The following PTPRB variants were observed in gnomAD, a reference collection of about 807,000 sequenced individuals.
The protein encoded by PTPRB is receptor-type tyrosine-protein phosphatase beta.
In PTPRB, 97 loss-of-function variants were observed where a neutral mutation model predicts 238.1. That is an observed-to-expected ratio of 0.41 (90% CI 0.35 to 0.48). The LOEUF is 0.48. PTPRB is among the 20% of genes least tolerant of loss of function. PTPRB has a pLI of 0.30. For missense variants in PTPRB, 2,292 were observed against 2,681.9 expected, an observed-to-expected ratio of 0.85 and a Z score of 3.21; for synonymous variants, 970 against 995.4, an observed-to-expected ratio of 0.97 and a Z score of 0.48.
intron 2 of PTPRB, among the ~76,000 whole-genome samples, chr12:70,627,002 T>G (rs530416488): frequency 1.6e-4 from 24 of 152,082 alleles, no homozygotes; most frequent in Non-Finnish European, 2.9e-4. Flanking sequence ...AGACATAGCA[T>G]AGTAAAACAC....
Position 70,534,769 on chromosome 12 carries a change from G to A in PTPRB, c.6204+64C>T. The A allele has an allele frequency of 2.5e-6, 4 of 1,602,868 alleles. No individual in the cohort carries two copies. The South Asian group carries it at 3.3e-5, about 13-fold the overall frequency. On this transcript the variant is annotated intron_variant, in intron 30 of 33. Transcript: ENST00000334414. ...AACTACAAGAGAGGAACCAGCGAAA[G>A]TGGGGTTCACAGATCTCATTCATCT...
Position 70,521,395 on chromosome 12 carries a change from G to T in PTPRB, c.*94C>A. The stretch of plus-strand genomic sequence containing the variant: ...TAATAAATTATACATAGTATCAACA[G>T]AAATAGCTGGCACCTCTGTAGGGCA... On this transcript the variant is annotated 3_prime_UTR_variant, in exon 34 of 34. Transcript: ENST00000334414. 1 of 888,344 alleles carries T rather than the reference G, an allele frequency of 1.1e-6. No individual in the cohort carries two copies. The highest frequency in any genetic ancestry group is 2.4e-5 in the South Asian group (1 of 40,974). 55.0% of individuals were successfully genotyped at this position (888,344 alleles called of 1,614,324 possible).
At chr12:70,600,137 G>A (rs766367786) in intron 4 of PTPRB, among the ~76,000 whole-genome samples, 2 of 152,130 alleles carry the variant, frequency 1.3e-5, no homozygotes, top group Non-Finnish European at 2.9e-5. Context: ...AGAAGTGATT[G>A]TATTTGCTAT....
chr12:70,524,647 T>C, intron 32 of PTPRB, 56 bp from the exon 33 acceptor site: 1 of 1,510,500 alleles, frequency 6.6e-7, no homozygotes, highest in Non-Finnish European at 8.9e-7. Flanking sequence ...ATAAGAAAGA[T>C]GAGAAACTCA....
At chr12:70,594,915 C>T (rs1285667558) in intron 5 of PTPRB, among the ~76,000 whole-genome samples, 191 bp from the exon 6 acceptor site, 2 of 152,152 alleles carry the variant, frequency 1.3e-5, no homozygotes, top group Admixed American at 1.3e-4. Flanking sequence ...AAGTCTGCAG[C>T]CTCAAGTTAC....
intron 17 of PTPRB, 85 bp from the exon 18 acceptor site, chr12:70,559,709 C>T (rs926758399): frequency 9.4e-6 from 12 of 1,271,052 alleles, no homozygotes; most frequent in Non-Finnish European, 1.3e-5. Context: ...ACATCAGACA[C>T]ACTTTTAATG....
In PTPRB at chr12:70,562,925, G is replaced by A. The variant is rs1480097601; in HGVS notation, c.4087C>T (p.Leu1363=). 1 of 1,613,854 alleles carries A rather than the reference G, an allele frequency of 6.2e-7. No individual in the cohort carries two copies. The highest frequency in any genetic ancestry group is 8.5e-7 in the Non-Finnish European group (1 of 1,179,872). Residue 1363 remains leucine (L), a synonymous_variant, in exon 16 of 34, where the codon CTA becomes TTA. Coordinates refer to ENST00000334414, the MANE Select transcript of PTPRB (RefSeq NM_001109754.4). ...ACCATCTTGTACATTCTGCCTTGTA[G>A]CAAGTTCTGGAAAGAGAAGCTCTGG... ...LVQSFSFQNL[L]QGRMYKMVIV... is the part of the protein sequence containing the mutation.
At chr12:70,532,807 A>AAT (rs1873494275) in intron 31 of PTPRB, among the ~76,000 whole-genome samples, 1 of 152,020 alleles carries the variant, frequency 6.6e-6, no homozygotes, top group African/African-American at 2.4e-5. Flanking sequence ...ACTCCCAGCT[A>AAT]ATTAAAAAAA....
rs1378241253 is a variant in PTPRB, at chr12:70,548,336, TCTCTCTCTCTCACACA to T, written c.5388-3689_5388-3674del. Among the ~76,000 whole-genome samples the T allele has an allele frequency of 1.3e-3, 43 of 34,384 alleles. 1 individual carries two copies. The highest frequency in any genetic ancestry group is 3.9e-3 in the African/African-American group (36 of 9,192). The allele number at this position is 34,384 out of a possible 152,430, so 22.6% of individuals were successfully genotyped here. On this transcript the variant is annotated intron_variant, in intron 21 of 33. Coordinates refer to ENST00000334414, the MANE Select transcript of PTPRB (RefSeq NM_001109754.4). ...CAGCAAGACTCTCTCTCTCTCTCTC[TCTCTCTCTCTCACACA>T]CACACACACACACACACACACACAC...
chr12:70,557,588 G>GT (rs1269501099), intron 18 of PTPRB, among the ~76,000 whole-genome samples: 4 of 152,296 alleles, frequency 2.6e-5, no homozygotes, highest in African/African-American at 9.6e-5. Flanking sequence ...TAACAGAGTT[G>GT]TATGAGCTCT....
Position 70,596,238 on chromosome 12 carries a change from CT to C in PTPRB, c.1068del (p.Val357SerfsTer68), listed in dbSNP as rs771024221. ...LHVWWTPSSG[K>X]VTSYEVQLFD... ...AATAATTGCACCTCATATGAGGTGA[CT>C]TTTCCGGAAGAAGGAGTCCACCAAA... On this transcript the variant is annotated frameshift_variant, in exon 5 of 34. Coordinates refer to ENST00000334414, the MANE Select transcript of PTPRB (RefSeq NM_001109754.4). LOFTEE classifies it high-confidence loss of function. 1 of 1,613,134 alleles carries C rather than the reference CT, an allele frequency of 6.2e-7. No individual in the cohort carries two copies. The highest frequency in any genetic ancestry group is 8.5e-7 in the Non-Finnish European group (1 of 1,179,662).
intron 9 of PTPRB, among the ~76,000 whole-genome samples, chr12:70,584,602 T>C (rs1881702126): frequency 1.3e-5 from 2 of 152,286 alleles, no homozygotes; most frequent in South Asian, 4.1e-4. Flanking sequence ...TTTTATGTGC[T>C]GAGAGAAAGT....
rs1265184767 is a variant in PTPRB, at chr12:70,540,880, A to G, written c.5572T>C (p.Leu1858=). The G allele has an allele frequency of 2.5e-6, 4 of 1,603,790 alleles. No individual in the cohort carries two copies. Among genetic ancestry groups the G allele is most frequent in the Middle Eastern group, 3.3e-4 (2 of 6,054 alleles). ...IGMLVAVVAL[L]ICRQKVSHGR... is the part of the protein sequence containing the mutation. Reference sequence around the variant, plus strand: ...TACCTCACTTTCTGTCTGCAGATCAATAAGGCAACAACAGCCACTAGCATG... The same window carrying G: ...TACCTCACTTTCTGTCTGCAGATCAGTAAGGCAACAACAGCCACTAGCATG... Residue 1858 remains leucine (L), a synonymous_variant, in exon 23 of 34, where the codon TTG becomes CTG. Coordinates refer to ENST00000334414, the MANE Select transcript of PTPRB (RefSeq NM_001109754.4).
At chr12:70,527,407 A>G (rs1214375705) in intron 32 of PTPRB, among the ~76,000 whole-genome samples, 1 of 152,224 alleles carries the variant, frequency 6.6e-6, no homozygotes, top group African/African-American at 2.4e-5. Flanking sequence ...AGTCTAGTGC[A>G]GCTAAAATGC....
At chr12:70,606,576 A>T (rs1883961629) in intron 4 of PTPRB, among the ~76,000 whole-genome samples, 1 of 152,218 alleles carries the variant, frequency 6.6e-6, no homozygotes, top group South Asian at 2.1e-4. Context: ...TAGAATAAAG[A>T]AAGCACAGAT....
In PTPRB at chr12:70,580,979, G is replaced by A. The variant is rs1881315774; in HGVS notation, c.2578+57C>T. ...GGATATTTCTATAATATTCTGATTA[G>A]GGGTCTCATGTACTCAGATCTTAGT... On this transcript the variant is annotated intron_variant, in intron 10 of 33. Transcript: ENST00000334414. 4.5e-5 allele frequency: 69 copies of A among 1,525,482 alleles called. 1 individual carries two copies. In the South Asian group the frequency reaches 8.3e-4, roughly 18 times the overall value. The allele number at this position is 1,525,482 out of a possible 1,614,324, so 94.5% of individuals were successfully genotyped here. A position where few individuals can be genotyped will look rare whatever the true frequency, so the allele number is the denominator to read the frequency against.
Position 70,569,658 on chromosome 12 carries a change from T to G in PTPRB, c.3634+17A>C. 1 of 1,613,228 alleles carries G rather than the reference T, an allele frequency of 6.2e-7. No homozygotes were observed. Among genetic ancestry groups the G allele is most frequent in the Non-Finnish European group, 8.5e-7 (1 of 1,179,664 alleles). ...GAGGCATTCTACAATCTAGCCCTTC[T>G]CCAGGTGGATGCTTACCTGTCCGCC... is the stretch of plus-strand genomic sequence containing the variant. On this transcript the variant is annotated intron_variant, in intron 14 of 33. Transcript: ENST00000334414.
chr12:70,556,250 G>A, intron 18 of PTPRB, 102 bp from the exon 19 acceptor site: 1 of 1,060,156 alleles, frequency 9.4e-7, no homozygotes, highest in Non-Finnish European at 1.3e-6. Context: ...GTATAGGAGG[G>A]ACAGACAGGC....
chr12:70,578,463 TC>T (rs1400664715), intron 10 of PTPRB, among the ~76,000 whole-genome samples: 2 of 152,142 alleles, frequency 1.3e-5, no homozygotes, highest in Non-Finnish European at 2.9e-5. Context: ...TAATGTGCAC[TC>T]TTCATATGTT....
Sources: allele counts gnomAD v4.1 joint callset (sites outside exome capture counted in the v4.1 genomes callset), GRCh38; gene constraint gnomAD v4.1.1; transcripts MANE v1.5; gene names NCBI Gene and HGNC (gene_info 2026-07-23, HGNC 2026-07-21).